The following KIF1B variants were observed in gnomAD, a reference collection of about 807,000 sequenced individuals.
KIF1B encodes kinesin-like protein KIF1B.
KIF1B carries 76 observed loss-of-function variants against 241.9 expected under a neutral mutation model. That is an observed-to-expected ratio of 0.31 (90% CI 0.26 to 0.38). KIF1B has a LOEUF of 0.38. Among genes scored for constraint, KIF1B ranks in the 10% least tolerant of loss-of-function variants. KIF1B has a pLI of 1.00. For synonymous variants in KIF1B, 750 were observed against 796.7 expected, an observed-to-expected ratio of 0.94 and a Z score of 0.99; for missense variants, 1,622 against 2,271.4, an observed-to-expected ratio of 0.71 and a Z score of 5.81.
chr1:10,255,400 G>T (rs925584503), intron 2 of KIF1B, among the ~76,000 whole-genome samples: 1 of 150,344 alleles, frequency 6.7e-6, no homozygotes, highest in African/African-American at 2.4e-5. Flanking sequence ...GACCAGCCTG[G>T]CCAACATGGT....
intron 41 of KIF1B, among the ~76,000 whole-genome samples, chr1:10,364,285 A>G (rs974936447): frequency 6.7e-6 from 1 of 149,586 alleles, no homozygotes; most frequent in African/African-American, 2.5e-5. Flanking sequence ...GCTCACTGCA[A>G]CCTCTGCCTC....
At chr1:10,264,489 C>T (rs72865941) in intron 5 of KIF1B, among the ~76,000 whole-genome samples, 5,400 of 152,198 alleles carry the variant, frequency 0.035, 112 homozygotes, top group Middle Eastern at 0.13. Context: ...TGAAAAGGTA[C>T]GAGTGTTCCA....
At chr1:10,278,658 C>A (rs887882871) in intron 13 of KIF1B, 15 of 179,420 alleles carry the variant, frequency 8.4e-5, no homozygotes, top group Middle Eastern at 2.6e-3. Flanking sequence ...GGGAAAAGTT[C>A]AATTCCTATG....
intron 38 of KIF1B, among the ~76,000 whole-genome samples, chr1:10,358,683 C>CAGA (rs1553169859): frequency 1.4e-4 from 11 of 79,294 alleles, no homozygotes; most frequent in South Asian, 4.1e-4. Context: ...GACTCTGTCT[C>CAGA]AAAAAAAAAA....
At chr1:10,324,668 A>G in intron 25 of KIF1B, 90 bp from the exon 26 acceptor site, 2 of 1,367,692 alleles carry the variant, frequency 1.5e-6, no homozygotes. Context: ...TTTTTTTTTG[A>G]AGAAAATCTT....
chr1:10,237,429 A>G (rs149212134), intron 2 of KIF1B, among the ~76,000 whole-genome samples: 1 of 152,220 alleles, frequency 6.6e-6, no homozygotes, highest in Non-Finnish European at 1.5e-5. Context: ...AATATGAGGT[A>G]CACTCCATCA....
intron 14 of KIF1B, among the ~76,000 whole-genome samples, 156 bp downstream of exon 14, chr1:10,279,294 T>G (rs1445585270): frequency 6.6e-6 from 1 of 152,232 alleles, no homozygotes; most frequent in Admixed American, 6.5e-5. Flanking sequence ...ATTTTTGCCC[T>G]TCTTCATTTA....
intron 2 of KIF1B, among the ~76,000 whole-genome samples, chr1:10,244,556 C>T (rs1647180661): frequency 6.6e-6 from 1 of 151,656 alleles, no homozygotes; most frequent in Admixed American, 6.6e-5. Flanking sequence ...AGGTGATCCG[C>T]CCGCCTCAGC....
At chr1:10,236,153 T>C (rs1000405186) in intron 2 of KIF1B, among the ~76,000 whole-genome samples, 1 of 151,718 alleles carries the variant, frequency 6.6e-6, no homozygotes, top group African/African-American at 2.4e-5. Flanking sequence ...GCGCCTGTAG[T>C]CCCAGCTACT....
chr1:10,344,900 G>A (rs1652530628), intron 34 of KIF1B: 1 of 152,094 alleles, frequency 6.6e-6, no homozygotes, highest in Admixed American at 6.6e-5. Flanking sequence ...TAAGAATATG[G>A]AGTTTAAATC....
chr1:10,344,452 A>C (rs1272649111), intron 34 of KIF1B, among the ~76,000 whole-genome samples: 2 of 152,196 alleles, frequency 1.3e-5, no homozygotes, highest in East Asian at 3.8e-4. Flanking sequence ...TTCTTCCTAG[A>C]GATTTGGGAA....
intron 27 of KIF1B, among the ~76,000 whole-genome samples, chr1:10,329,622 A>G (rs938953274): frequency 3.3e-5 from 5 of 151,940 alleles, no homozygotes; most frequent in East Asian, 1.9e-4. Context: ...AATCCCAGCT[A>G]CTCAGGAGGC....
intron 1 of KIF1B, among the ~76,000 whole-genome samples, chr1:10,213,502 G>A (rs1039661558): frequency 2.0e-5 from 3 of 152,060 alleles, no homozygotes; most frequent in African/African-American, 7.2e-5. Context: ...TCTCACTGTG[G>A]TCTTGTCCTG....
At chr1:10,346,084 T>G (rs1382285030) in intron 35 of KIF1B, 131 bp downstream of exon 35, 3 of 755,240 alleles carry the variant, frequency 4.0e-6, no homozygotes, top group Non-Finnish European at 6.9e-6. Context: ...TTTGTTTTTG[T>G]TTTTGTTTTA....
Position 10,374,981 on chromosome 1 carries a change from C to A in KIF1B, c.5224C>A (p.Arg1742Ser). ...TAACAGTGACAAAGACCCTGTGGAGCGTGGAATCATTAACCTGTCCACAGC... is the reference window on the plus strand; with the variant it reads ...TAACAGTGACAAAGACCCTGTGGAGAGTGGAATCATTAACCTGTCCACAGC... ...IYNSDKDPVE[R>S]GIINLSTAQV... Residue 1742 changes from arginine to serine, a missense_variant, in exon 47 of 49, where the codon CGT (arginine) becomes AGT (serine). By Grantham distance (110) the Arg-to-Ser change is moderately radical. Transcript: ENST00000676179. The surrounding 1 kb of genome is among the most constrained non-coding windows in gnomAD (Gnocchi z 4.3). 1 of 1,614,082 alleles carries A rather than the reference C, an allele frequency of 6.2e-7. No homozygotes were observed. The highest frequency in any genetic ancestry group is 2.2e-5 in the East Asian group (1 of 44,878).
intron 22 of KIF1B, chr1:10,308,469 TAAAC>T (rs1484132905): frequency 9.6e-7 from 1 of 1,037,384 alleles, no homozygotes; most frequent in African/African-American, 1.7e-5. Context: ...CTCAATTTCT[TAAAC>T]AACAACAAAA....
chr1:10,379,330 G>A lies in KIF1B; in HGVS notation c.*2743G>A, dbSNP rs886045002. ...AAACTGGACTGTCTGTTCATAGCGT[G>A]CCTGAATAAGAAGGCCTCTTAGGGA... On this transcript the variant is annotated 3_prime_UTR_variant, in exon 49 of 49. Transcript: ENST00000676179. 3 of 231,406 alleles carry A rather than the reference G, an allele frequency of 1.3e-5. No homozygotes were observed. The highest frequency in any genetic ancestry group is 6.6e-5 in the African/African-American group (3 of 45,236). 14.3% of individuals were successfully genotyped at this position (231,406 alleles called of 1,614,324 possible). A position where few individuals can be genotyped will look rare whatever the true frequency, so the allele number is the denominator to read the frequency against.
chr1:10,295,970 T>TG lies in KIF1B; in HGVS notation c.1777+204_1777+205insG, dbSNP rs34437412. Among the ~76,000 whole-genome samples, 51,222 of 151,968 alleles carry TG rather than the reference T, an allele frequency of 0.34. 8,770 individuals are homozygous for TG. Among genetic ancestry groups the TG allele is most frequent in the Admixed American group, 0.38 (5,762 of 15,274 alleles). On this transcript the variant is annotated intron_variant, in intron 19 of 48. Transcript: ENST00000676179. Reference sequence around the variant, plus strand: ...ATAGCTTGGACAAAAGAAGCCCTTTTTTACTGCCAAGAACTGAGAAGGACA... The same window carrying TG: ...ATAGCTTGGACAAAAGAAGCCCTTTTGTTACTGCCAAGAACTGAGAAGGACA...
Position 10,311,488 on chromosome 1 carries a change from C to T in KIF1B, c.2116-8555C>T, listed in dbSNP as rs533708466. On this transcript the variant is annotated intron_variant, in intron 22 of 48. Transcript: ENST00000676179. Reference sequence around the variant, plus strand: ...TCAGCCTCCCAAAGTGCTGGGATTACGGGTGTGAGCCACCGCTCCAGGCCC... The same window carrying T: ...TCAGCCTCCCAAAGTGCTGGGATTATGGGTGTGAGCCACCGCTCCAGGCCC... Among the ~76,000 whole-genome samples the T allele has an allele frequency of 1.3e-4, 20 of 151,452 alleles. No homozygotes were observed. The South Asian group carries it at 2.7e-3, about 20-fold the overall frequency.
Sources: allele counts gnomAD v4.1 joint callset (sites outside exome capture counted in the v4.1 genomes callset), GRCh38; gene constraint gnomAD v4.1.1; non-coding constraint Gnocchi (gnomAD v3.1); transcripts MANE v1.5; gene names NCBI Gene and HGNC (gene_info 2026-07-23, HGNC 2026-07-21).